The following GPBP1 variants were observed in gnomAD, a reference collection of about 807,000 sequenced individuals.
GPBP1 encodes vasculin.
GPBP1 carries 13 observed loss-of-function variants against 56.5 expected under a neutral mutation model. The ratio of observed to expected loss-of-function variants is 0.23; its 90% CI spans 0.15 to 0.37. GPBP1 has a LOEUF of 0.37. Ranked by LOEUF, GPBP1 falls within the 10% of genes least tolerant of loss-of-function variation. The probability of loss-of-function intolerance (pLI) is 1.00; values close to 1 mark genes in which losing one functional copy is unlikely to be tolerated. For missense variants in GPBP1, 477 were observed against 572.3 expected (o/e 0.83, Z 1.70); for synonymous variants, 204 against 188.9 (o/e 1.08, Z -0.66).
intron 10 of GPBP1, among the ~76,000 whole-genome samples, chr5:57,258,777 G>A (rs906741831): frequency 2.0e-5 from 3 of 152,096 alleles, no homozygotes; most frequent in African/African-American, 7.2e-5. Flanking sequence ...CACCATGCTC[G>A]GCTAGATTAT....
intron 3 of GPBP1, among the ~76,000 whole-genome samples, chr5:57,229,954 T>A (rs1756374467): frequency 6.7e-6 from 1 of 149,650 alleles, no homozygotes; most frequent in African/African-American, 2.5e-5. Flanking sequence ...TCCCGTCCCG[T>A]CCCGTCCCGT....
rs1180394679 is a variant in GPBP1 at position 57,261,276 on chromosome 5, T to C, written c.1257T>C (p.Ser419=). The change falls in exon 11 of 12, where the codon AGT becomes AGC. Residue 419 remains serine, a synonymous_variant. Coordinates refer to ENST00000506184, the MANE Select transcript of GPBP1 (RefSeq NM_022913.4). The stretch of plus-strand genomic sequence containing the variant: ...AAATGAGAGAATTCCAAGTTATTAG[T>C]GAACAGGTAAGAAAACCTGAATCAT... ...EDEMREFQVI[S]EQLQKNGLRK... is the part of the protein sequence containing the mutation. 1 of 1,586,862 alleles carries C rather than the reference T, an allele frequency of 6.3e-7. No individual in the cohort carries two copies. Among genetic ancestry groups the C allele is most frequent in the African/African-American group, 1.3e-5 (1 of 74,408 alleles).
chr5:57,214,300 T>C, intron 3 of GPBP1, 107 bp downstream of exon 3: 1 of 1,047,388 alleles, frequency 9.5e-7, no homozygotes, highest in Non-Finnish European at 1.5e-6. Context: ...AGAAGTACAT[T>C]TGTGGCTGGG....
chr5:57,199,474 G>A (rs937532126), intron 2 of GPBP1, among the ~76,000 whole-genome samples: 1 of 151,998 alleles, frequency 6.6e-6, no homozygotes, highest in African/African-American at 2.4e-5. Flanking sequence ...AAGGAGATAA[G>A]AATTGAAAGG....
chr5:57,231,789 G>A lies in GPBP1; in HGVS notation c.411+468G>A, dbSNP rs1756472127. Among the ~76,000 whole-genome samples, 5 of 152,100 alleles carry A rather than the reference G, an allele frequency of 3.3e-5. No homozygotes were observed. The South Asian group carries it at 8.3e-4, about 25-fold the overall frequency. On this transcript the variant is annotated intron_variant, in intron 5 of 11. Coordinates refer to ENST00000506184, the MANE Select transcript of GPBP1 (RefSeq NM_022913.4). ...GAGTCAGCTGGTGTTCTTGGCACACGCAATACATACTGGATTGAGATAGGC... is the reference window on the plus strand; with the variant it reads ...GAGTCAGCTGGTGTTCTTGGCACACACAATACATACTGGATTGAGATAGGC...
chr5:57,223,872 C>T (rs953705762), intron 3 of GPBP1, among the ~76,000 whole-genome samples: 7 of 151,278 alleles, frequency 4.6e-5, no homozygotes, highest in Admixed American at 3.3e-4. Flanking sequence ...CTCGCTCTTT[C>T]CCCCAGGCCG....
intron 3 of GPBP1, among the ~76,000 whole-genome samples, chr5:57,219,781 G>A (rs560013887): frequency 1.0e-3 from 155 of 152,150 alleles, no homozygotes; most frequent in African/African-American, 3.5e-3. Context: ...GGCCGGGTGC[G>A]GTGGCTCATG....
chr5:57,240,867 G>A (rs773292906), intron 6 of GPBP1, among the ~76,000 whole-genome samples: 6 of 152,032 alleles, frequency 3.9e-5, no homozygotes, highest in Admixed American at 2.6e-4. Context: ...CCAGCTACTC[G>A]GGAGGCTGAG....
chr5:57,220,136 A>G (rs183932712), intron 3 of GPBP1, among the ~76,000 whole-genome samples: 1 of 152,168 alleles, frequency 6.6e-6, no homozygotes, highest in East Asian at 1.9e-4. Context: ...GTTAACTTGA[A>G]GTTAAGATTG....
intron 2 of GPBP1, among the ~76,000 whole-genome samples, chr5:57,185,416 A>G (rs913256879): frequency 3.3e-5 from 5 of 152,134 alleles, no homozygotes; most frequent in Admixed American, 2.6e-4. Flanking sequence ...ACATGCCACA[A>G]TGCCCGGCTA....
chr5:57,192,670 T>C (rs1754575749), intron 2 of GPBP1, among the ~76,000 whole-genome samples: 1 of 148,304 alleles, frequency 6.7e-6, no homozygotes, highest in African/African-American at 2.5e-5. Flanking sequence ...GGAGAATCGC[T>C]TGAACCTGGG....
chr5:57,225,491 CAAAAAAAAA>C (rs554699501), intron 3 of GPBP1, among the ~76,000 whole-genome samples: 1 of 38,136 alleles, frequency 2.6e-5, no homozygotes, highest in Non-Finnish European at 5.3e-5. Context: ...GATTCCTTCT[CAAAAAAAAA>C]AAAAAAAAAA....
intron 3 of GPBP1, among the ~76,000 whole-genome samples, chr5:57,222,812 T>C (rs1446033650): frequency 6.6e-6 from 1 of 152,160 alleles, no homozygotes; most frequent in Non-Finnish European, 1.5e-5. Context: ...CATTACAGTT[T>C]TATGGGGAGG....
intron 6 of GPBP1, among the ~76,000 whole-genome samples, chr5:57,244,074 T>G (rs1475054683): frequency 1.3e-5 from 2 of 152,242 alleles, no homozygotes. Flanking sequence ...TCATTTTCCT[T>G]CTGCCTAAAG....
chr5:57,178,170 C>T (rs184743811), intron 2 of GPBP1, among the ~76,000 whole-genome samples: 127 of 152,316 alleles, frequency 8.3e-4, no homozygotes, highest in Non-Finnish European at 1.4e-3. Context: ...TAACAATATG[C>T]ATCTTAAATA....
intron 6 of GPBP1, chr5:57,237,039 C>T (rs879870018): frequency 9.6e-7 from 1 of 1,039,190 alleles, no homozygotes; most frequent in East Asian, 2.6e-5. Context: ...GGTGGTCAGA[C>T]ACTTTTGTTA....
At chr5:57,229,990 G>A (rs986400931) in intron 3 of GPBP1, among the ~76,000 whole-genome samples, 1 of 115,190 alleles carries the variant, frequency 8.7e-6, no homozygotes, top group African/African-American at 3.3e-5. Flanking sequence ...ATGCAATGGC[G>A]TGATCTCGGT....
intron 2 of GPBP1, among the ~76,000 whole-genome samples, chr5:57,181,674 C>T (rs528901216): frequency 1.2e-4 from 19 of 152,094 alleles, no homozygotes; most frequent in Admixed American, 2.6e-4. Flanking sequence ...CTACCCACCT[C>T]GGCCTCCCAA....
intron 2 of GPBP1, among the ~76,000 whole-genome samples, chr5:57,196,585 A>G (rs1754756746): frequency 6.6e-6 from 1 of 151,826 alleles, no homozygotes; most frequent in Admixed American, 6.6e-5. Context: ...GTCATCATCT[A>G]TTTATTTATT....
Sources: allele counts gnomAD v4.1 joint callset (sites outside exome capture counted in the v4.1 genomes callset), GRCh38; gene constraint gnomAD v4.1.1; transcripts MANE v1.5; gene names NCBI Gene and HGNC (gene_info 2026-07-23, HGNC 2026-07-21).